The following ANK3 variants were observed in gnomAD, a reference collection of about 807,000 sequenced individuals.
ANK3 encodes the protein ankyrin-3.
In ANK3, 57 loss-of-function variants were observed where a neutral mutation model predicts 370.9. The ratio of observed to expected loss-of-function variants is 0.15; its 90% CI spans 0.12 to 0.19. ANK3 has a LOEUF of 0.19. ANK3 is among the 10% of genes least tolerant of loss of function. The probability of loss-of-function intolerance (pLI) is 1.00; values close to 1 mark genes in which losing one functional copy is unlikely to be tolerated. For synonymous variants in ANK3, 1,929 were observed against 1,946.3 expected, an observed-to-expected ratio of 0.99 and a Z score of 0.23; for missense variants, 4,439 against 5,302.1, an observed-to-expected ratio of 0.84 and a Z score of 5.06.
intron 23 of ANK3, among the ~76,000 whole-genome samples, chr10:60,141,561 G>GTTTTTTGTTTTT (rs2094558144): frequency 2.0e-4 from 10 of 49,028 alleles, no homozygotes; most frequent in African/African-American, 9.3e-4. Flanking sequence ...TTCAATTGCT[G>GTTTTTTGTTTTT]TTTTTTTTTT....
chr10:60,146,334 T>G lies in ANK3; in HGVS notation c.2615-7247A>C, dbSNP rs1424734880. Among the ~76,000 whole-genome samples, 3 of 152,212 alleles carry G rather than the reference T, an allele frequency of 2.0e-5. No individual in the cohort carries two copies. In the East Asian group the frequency reaches 5.8e-4, roughly 29 times the overall value. On this transcript the variant is annotated intron_variant, in intron 23 of 43. Coordinates refer to ENST00000280772, the MANE Select transcript of ANK3 (RefSeq NM_020987.5). ...CTTCTAGTAGTTTCAGGGGTACGTGTGCAGGTTTGTAACATGGGAAAACTG... is the reference window on the plus strand; with the variant it reads ...CTTCTAGTAGTTTCAGGGGTACGTGGGCAGGTTTGTAACATGGGAAAACTG...
chr10:60,558,073 G>A (rs1436167411), intron 2 of ANK3, among the ~76,000 whole-genome samples: 1 of 152,128 alleles, frequency 6.6e-6, no homozygotes, highest in Non-Finnish European at 1.5e-5. Context: ...CTAGGCCTTT[G>A]CACCTTCTTC....
At chr10:60,400,252 G>A (rs938305880) in intron 2 of ANK3, among the ~76,000 whole-genome samples, 1 of 152,146 alleles carries the variant, frequency 6.6e-6, no homozygotes, top group Admixed American at 6.5e-5. Context: ...CGATATTTGT[G>A]TCTATTTTTA....
chr10:60,408,102 A>G (rs1342027106), intron 2 of ANK3, among the ~76,000 whole-genome samples: 1 of 152,230 alleles, frequency 6.6e-6, no homozygotes, highest in Non-Finnish European at 1.5e-5. Flanking sequence ...GAATAAATCC[A>G]TGGAAGGCAA....
At chr10:60,242,977 G>T (rs2097492383) in intron 7 of ANK3, among the ~76,000 whole-genome samples, 1 of 152,120 alleles carries the variant, frequency 6.6e-6, no homozygotes, top group Non-Finnish European at 1.5e-5. Context: ...ACCAGGTCAT[G>T]CTGTCACCGT....
At chr10:60,643,903 G>T (rs1337559557) in intron 1 of ANK3, among the ~76,000 whole-genome samples, 1 of 152,166 alleles carries the variant, frequency 6.6e-6, no homozygotes, top group African/African-American at 2.4e-5. Context: ...TACCAAGAGG[G>T]AAGTTGTGCT....
chr10:60,394,138 C>T (rs774471500), upstream of ANK3, among the ~76,000 whole-genome samples: 21 of 148,096 alleles, frequency 1.4e-4, no homozygotes, highest in South Asian at 6.7e-4. Flanking sequence ...TCCGGATCCA[C>T]GATCATTTCA....
chr10:60,645,609 C>G (rs1366896699), intron 1 of ANK3, among the ~76,000 whole-genome samples: 3 of 151,994 alleles, frequency 2.0e-5, no homozygotes, highest in African/African-American at 7.3e-5. Context: ...CCTGTAATCC[C>G]AACTACTACG....
At chr10:60,504,825 C>T (rs1470583976) in intron 2 of ANK3, among the ~76,000 whole-genome samples, 1 of 151,930 alleles carries the variant, frequency 6.6e-6, no homozygotes, top group African/African-American at 2.4e-5. Flanking sequence ...AGAAATTGTT[C>T]TAAAATTTAA....
chr10:60,203,845 G>A (rs2096721013), intron 11 of ANK3, among the ~76,000 whole-genome samples: 1 of 152,136 alleles, frequency 6.6e-6, no homozygotes, highest in Admixed American at 6.5e-5. Context: ...GAGATTTAGA[G>A]TGAATAAGAA....
chr10:60,419,342 C>G (rs1470970812), intron 2 of ANK3, among the ~76,000 whole-genome samples: 1 of 152,208 alleles, frequency 6.6e-6, no homozygotes, highest in South Asian at 2.1e-4. Flanking sequence ...ATCTCAGAGG[C>G]CCCTGCTCCT....
intron 25 of ANK3, among the ~76,000 whole-genome samples, chr10:60,130,721 C>T (rs937394420): frequency 1.3e-5 from 2 of 152,200 alleles, no homozygotes; most frequent in Non-Finnish European, 2.9e-5. Flanking sequence ...TGTATCTAGA[C>T]ACTTCTGTCT....
At chr10:60,103,490 T>G (rs1043380845) in intron 28 of ANK3, among the ~76,000 whole-genome samples, 3 of 150,842 alleles carry the variant, frequency 2.0e-5, no homozygotes, top group Non-Finnish European at 4.4e-5. Flanking sequence ...GATTTGGGAT[T>G]TTTTTTTTGG....
chr10:60,244,784 CTT>C (rs1185258839), intron 7 of ANK3, among the ~76,000 whole-genome samples: 2 of 152,142 alleles, frequency 1.3e-5, no homozygotes, highest in Non-Finnish European at 2.9e-5. Flanking sequence ...TTTGAAAACT[CTT>C]TTAGCCTCTG....
intron 8 of ANK3, among the ~76,000 whole-genome samples, chr10:60,215,211 T>C (rs879673302): frequency 2.0e-5 from 3 of 152,130 alleles, no homozygotes; most frequent in African/African-American, 7.2e-5. Flanking sequence ...ATGGGGTTGT[T>C]TTTTTCTTGT....
intron 42 of ANK3, among the ~76,000 whole-genome samples, chr10:60,052,937 A>G (rs970890607): frequency 6.6e-6 from 1 of 152,084 alleles, no homozygotes; most frequent in African/African-American, 2.4e-5. Context: ...CTTTTTCATC[A>G]ACAGTAAACT....
intron 2 of ANK3, among the ~76,000 whole-genome samples, chr10:60,440,776 G>T (rs931690665): frequency 6.6e-6 from 1 of 152,104 alleles, no homozygotes; most frequent in African/African-American, 2.4e-5. Flanking sequence ...AGCTCCCAAT[G>T]TTAAGAGACT....
intron 34 of ANK3, 30 bp from the exon 35 acceptor site, chr10:60,082,206 A>G: frequency 1.3e-6 from 2 of 1,589,618 alleles, no homozygotes; most frequent in Non-Finnish European, 1.7e-6. Flanking sequence ...TTGCAGAGAC[A>G]AGGAATATTA....
chr10:60,363,263 C>T (rs866369611), intron 1 of ANK3, among the ~76,000 whole-genome samples: 31 of 152,152 alleles, frequency 2.0e-4, no homozygotes, highest in African/African-American at 5.3e-4. Flanking sequence ...ACGAAGGGAG[C>T]GAAGGCCAAC....
Sources: gnomAD v4.1 joint callset for allele counts (sites outside exome capture counted in the v4.1 genomes callset) on GRCh38, gnomAD v4.1.1 for gene constraint, MANE v1.5 for transcripts, NCBI Gene and HGNC (gene_info 2026-07-23, HGNC 2026-07-21) for gene names.